The following SEZ6L variants were observed in gnomAD, a reference collection of about 807,000 sequenced individuals.
The protein encoded by SEZ6L is seizure 6-like protein.
SEZ6L carries 37 observed loss-of-function variants against 106.2 expected under a neutral mutation model. The ratio of observed to expected loss-of-function variants is 0.35; its 90% confidence interval spans 0.27 to 0.46. SEZ6L has a LOEUF of 0.46. SEZ6L is among the 20% of genes least tolerant of loss of function. SEZ6L has a pLI of 1.00. For synonymous variants in SEZ6L, 541 were observed against 570.4 expected (o/e 0.95, Z 0.73); for missense variants, 1,172 against 1,332.8 (o/e 0.88, Z 1.88).
At chr22:26,255,848 C>G (rs900682819) in intron 1 of SEZ6L, among the ~76,000 whole-genome samples, 1 of 152,210 alleles carries the variant, frequency 6.6e-6, no homozygotes, top group African/African-American at 2.4e-5. Flanking sequence ...CCTCTGCCTT[C>G]GTGGAGCAGA....
In SEZ6L at chr22:26,381,170, AAC is replaced by A. The variant is rs1227676749; in HGVS notation, c.*881_*882del. On this transcript the variant is annotated 3_prime_UTR_variant, in exon 17 of 17. Transcript: ENST00000248933. ...AAGCCACTCTCAAGCTGTGGTAATAAACACACAGGCTTGGGAGGCACCAGCGG... is the reference window on the plus strand; with the variant it reads ...AAGCCACTCTCAAGCTGTGGTAATAAACACAGGCTTGGGAGGCACCAGCGG... 2.0e-5 allele frequency: 3 copies of A among 152,140 alleles called. No homozygotes were observed. The highest frequency in any genetic ancestry group is 2.9e-5 in the Non-Finnish European group (2 of 68,048). 9.4% of individuals were successfully genotyped at this position (152,140 alleles called of 1,614,324 possible).
At chr22:26,200,263 CATGT>C in intron 1 of SEZ6L, among the ~76,000 whole-genome samples, 1 of 151,980 alleles carries the variant, frequency 6.6e-6, no homozygotes. Flanking sequence ...TATGTGTTTG[CATGT>C]ATGTGTATGT....
At chr22:26,356,652 AATAATAATAAT>A (rs1283367474) in intron 12 of SEZ6L, among the ~76,000 whole-genome samples, 1 of 10,442 alleles carries the variant, frequency 9.6e-5, no homozygotes, top group Non-Finnish European at 2.1e-4. Context: ...AAATAATAAT[AATAATAATAAT>A]AATAATAATA....
chr22:26,198,375 G>A (rs1325122071), intron 1 of SEZ6L, among the ~76,000 whole-genome samples: 1 of 152,218 alleles, frequency 6.6e-6, no homozygotes, highest in Non-Finnish European at 1.5e-5. Flanking sequence ...ATTATCCAAA[G>A]ACTGTAAGCT....
chr22:26,300,339 G>A (rs2081415811), intron 5 of SEZ6L, among the ~76,000 whole-genome samples: 1 of 151,236 alleles, frequency 6.6e-6, no homozygotes, highest in African/African-American at 2.4e-5. Flanking sequence ...GGTGTGTGAT[G>A]TTCCCCTTCC....
intron 1 of SEZ6L, among the ~76,000 whole-genome samples, chr22:26,200,166 A>G (rs1024986747): frequency 6.6e-6 from 1 of 152,004 alleles, no homozygotes; most frequent in Non-Finnish European, 1.5e-5. Context: ...TCTAATGTAT[A>G]TATTTCCTTT....
intron 6 of SEZ6L, among the ~76,000 whole-genome samples, chr22:26,309,491 C>T (rs1334779970): frequency 6.6e-6 from 1 of 152,154 alleles, no homozygotes; most frequent in East Asian, 1.9e-4. Flanking sequence ...TCTTGACTTC[C>T]CACACAGTGC....
intron 1 of SEZ6L, among the ~76,000 whole-genome samples, chr22:26,210,128 A>C (rs977900443): frequency 6.6e-6 from 1 of 152,184 alleles, no homozygotes; most frequent in Non-Finnish European, 1.5e-5. Flanking sequence ...ACTTAGTCCA[A>C]CCACCTGGGA....
rs2081915191 is a variant in SEZ6L at position 26,313,710 on chromosome 22, A to C, written c.1877-54A>C. ...AGCCCACATGGTTAGCCGCTATGCCACATTGACTTCTTTACAAATAAAGTC... is the reference window on the plus strand; with the variant it reads ...AGCCCACATGGTTAGCCGCTATGCCCCATTGACTTCTTTACAAATAAAGTC... On this transcript the variant is annotated intron_variant, in intron 8 of 16. Transcript: ENST00000248933. 3 of 1,586,160 alleles carry C rather than the reference A, an allele frequency of 1.9e-6. No homozygotes were observed. In the Admixed American group the frequency reaches 5.0e-5, roughly 27 times the overall value.
chr22:26,313,255 C>T (rs8142056), intron 8 of SEZ6L, among the ~76,000 whole-genome samples: 35,287 of 152,054 alleles, frequency 0.23, 4,923 homozygotes, highest in African/African-American at 0.39. Flanking sequence ...GAGCTTAAGC[C>T]TCAAAATAAC....
intron 1 of SEZ6L, among the ~76,000 whole-genome samples, chr22:26,252,412 A>C (rs1369668125): frequency 6.6e-6 from 1 of 152,212 alleles, no homozygotes; most frequent in East Asian, 1.9e-4. Context: ...GTGTGTATAT[A>C]TATAGATATT....
chr22:26,274,705 G>A lies in SEZ6L; in HGVS notation c.95-17701G>A, dbSNP rs117441365. Among the ~76,000 whole-genome samples the A allele has an allele frequency of 8.5e-5, 13 of 152,336 alleles. No homozygotes were observed. The East Asian group carries it at 2.5e-3, about 29-fold the overall frequency. On this transcript the variant is annotated intron_variant, in intron 1 of 16. Transcript: ENST00000248933. Reference sequence around the variant, plus strand: ...AAAGGGAAGAGGTACATGAGGCAGAGTCCTAGAAACCAGGCACAGCTTCCA... The same window carrying A: ...AAAGGGAAGAGGTACATGAGGCAGAATCCTAGAAACCAGGCACAGCTTCCA...
At chr22:26,207,523 G>A (rs1237197229) in intron 1 of SEZ6L, among the ~76,000 whole-genome samples, 2 of 152,084 alleles carry the variant, frequency 1.3e-5, no homozygotes. Flanking sequence ...CAACACTTAA[G>A]GTGTTTATTG....
At chr22:26,305,856 G>A (rs1021134598) in intron 5 of SEZ6L, 123 bp from the exon 6 acceptor site, 6 of 1,030,220 alleles carry the variant, frequency 5.8e-6, no homozygotes, top group Non-Finnish European at 8.3e-6. Flanking sequence ...GGGCAGGGGT[G>A]GGGATCAGGG....
chr22:26,303,616 T>C (rs1203425683), intron 5 of SEZ6L, among the ~76,000 whole-genome samples: 6 of 152,222 alleles, frequency 3.9e-5, no homozygotes, highest in African/African-American at 1.2e-4. Flanking sequence ...GTAATACCTT[T>C]GAACTTCTTT....
At chr22:26,205,698 C>T (rs901962492) in intron 1 of SEZ6L, among the ~76,000 whole-genome samples, 4 of 152,058 alleles carry the variant, frequency 2.6e-5, no homozygotes, top group African/African-American at 9.7e-5. Flanking sequence ...AGCAACTCCT[C>T]CAATCCAATC....
chr22:26,285,348 A>G (rs2080903082), intron 1 of SEZ6L, among the ~76,000 whole-genome samples: 2 of 152,348 alleles, frequency 1.3e-5, no homozygotes, highest in South Asian at 4.1e-4. Flanking sequence ...TATTTATAAA[A>G]TAGACATTAA....
At chr22:26,176,145 T>C (rs1938985562) in intron 1 of SEZ6L, among the ~76,000 whole-genome samples, 1 of 152,250 alleles carries the variant, frequency 6.6e-6, no homozygotes, top group African/African-American at 2.4e-5. Context: ...GGTGGTATGA[T>C]AAACTAGATT....
rs1165178365 is a variant in SEZ6L, at chr22:26,351,256, T to G, written c.2599+13T>G. 3 of 1,611,508 alleles carry G rather than the reference T, an allele frequency of 1.9e-6. No homozygotes were observed. The highest frequency in any genetic ancestry group is 2.5e-6 in the Non-Finnish European group (3 of 1,178,186). ...CCCCACTGCGTTTGTGAGTCCTGTT[T>G]AATGAATTGGGCCCCCAGTAGGTAG... On this transcript the variant is annotated intron_variant, in intron 12 of 16. Transcript: ENST00000248933.
Sources: allele counts gnomAD v4.1 joint callset (sites outside exome capture counted in the v4.1 genomes callset), GRCh38; gene constraint gnomAD v4.1.1; transcripts MANE v1.5; gene names NCBI Gene and HGNC (gene_info 2026-07-23, HGNC 2026-07-21).